STK31: variants seen among roughly 807,000 people sequenced by gnomAD.
STK31 encodes serine/threonine kinase 31.
Under a neutral mutation model 129.7 loss-of-function variants are expected in STK31, and 89 were observed. The ratio of observed to expected loss-of-function variants is 0.69; its 90% CI spans 0.58 to 0.82. The LOEUF (loss-of-function observed/expected upper bound fraction) is 0.82. Among genes scored for constraint, STK31 ranks in the 40% least tolerant of loss-of-function variants. STK31 has a pLI of 0.00. For synonymous variants in STK31, 448 were observed against 395.3 expected (o/e 1.13, Z -1.58); for missense variants, 1,187 against 1,176.4 (o/e 1.01, Z -0.13).
At position 23,805,415 on chromosome 7, in the gene STK31, A is replaced by G. The variant is rs951837115; in HGVS notation, c.2761-9729A>G. ...TAAAAAGTTTTATTTCTATGCGTCAATAACTTTTTTAAAGGCATTACATTT... is the reference window on the plus strand; with the variant it reads ...TAAAAAGTTTTATTTCTATGCGTCAGTAACTTTTTTAAAGGCATTACATTT... On this transcript the variant is annotated intron_variant, in intron 22 of 23. Coordinates refer to ENST00000355870, the MANE Select transcript of STK31 (RefSeq NM_031414.5). 7.2e-5 allele frequency among the ~76,000 whole-genome samples: 11 copies of G among 152,214 alleles called. No homozygotes were observed. In the East Asian group the frequency reaches 2.1e-3, roughly 29 times the overall value.
intron 4 of STK31, among the ~76,000 whole-genome samples, chr7:23,725,058 T>A (rs1284478680): frequency 6.6e-6 from 1 of 152,244 alleles, no homozygotes; most frequent in Non-Finnish European, 1.5e-5. Flanking sequence ...CCTAATGGCC[T>A]AATGGGCCTT....
chr7:23,818,102 A>C lies in STK31; in HGVS notation c.2829+2890A>C, dbSNP rs1221269958. On this transcript the variant is annotated intron_variant, in intron 23 of 23. Coordinates refer to ENST00000355870, the MANE Select transcript of STK31 (RefSeq NM_031414.5). ...ATTTAAATTTCCCTAATTGTCTTAA[A>C]TATATTTTTAAATGGTTGCTTTTTT... is the stretch of plus-strand genomic sequence containing the variant. Among the ~76,000 whole-genome samples, 3 of 152,066 alleles carry C rather than the reference A, an allele frequency of 2.0e-5. No individual in the cohort carries two copies. In the East Asian group the frequency reaches 5.8e-4, roughly 29 times the overall value.
At chr7:23,757,653 C>G (rs923995505) in intron 10 of STK31, among the ~76,000 whole-genome samples, 1 of 152,054 alleles carries the variant, frequency 6.6e-6, no homozygotes, top group Admixed American at 6.5e-5. Flanking sequence ...GGTTTTACAC[C>G]GAGACATTCC....
At position 23,830,239 on chromosome 7, in the gene STK31, T is replaced by A. The variant is rs747986070; in HGVS notation, c.2830-1897T>A. 1.4e-3 allele frequency among the ~76,000 whole-genome samples: 211 copies of A among 152,288 alleles called. 1 individual carries two copies. Among genetic ancestry groups the A allele is most frequent in the Middle Eastern group, 6.8e-3 (2 of 294 alleles). ...CAGTTTATTGATTTTGTTTATCTTT[T>A]AAAAAAATTTTTTTTGTGGATCCTT... is the stretch of plus-strand genomic sequence containing the variant. On this transcript the variant is annotated intron_variant, in intron 23 of 23. Coordinates refer to ENST00000355870, the MANE Select transcript of STK31 (RefSeq NM_031414.5).
chr7:23,746,710 C>T (rs1788374931), intron 8 of STK31, among the ~76,000 whole-genome samples: 1 of 151,906 alleles, frequency 6.6e-6, no homozygotes, highest in African/African-American at 2.4e-5. Flanking sequence ...AGTCTTAATC[C>T]TCATTGTCTT....
chr7:23,812,349 G>C (rs1414379644), intron 22 of STK31, among the ~76,000 whole-genome samples: 1 of 144,842 alleles, frequency 6.9e-6, no homozygotes, highest in East Asian at 2.0e-4. Flanking sequence ...TTATTTCTCT[G>C]TGGTTGCTTT....
At chr7:23,753,839 G>A (rs1457684761) in intron 9 of STK31, among the ~76,000 whole-genome samples, 1 of 152,078 alleles carries the variant, frequency 6.6e-6, no homozygotes, top group East Asian at 1.9e-4. Context: ...TCTTTATTTG[G>A]AAGTGCTGTT....
chr7:23,802,378 T>C (rs1353410687), intron 22 of STK31, among the ~76,000 whole-genome samples: 1 of 152,236 alleles, frequency 6.6e-6, no homozygotes, highest in Non-Finnish European at 1.5e-5. Context: ...AATTGGGGTT[T>C]GTTTATCCAG....
intron 9 of STK31, among the ~76,000 whole-genome samples, chr7:23,753,968 A>T (rs2128093724): frequency 6.6e-6 from 1 of 152,282 alleles, no homozygotes; most frequent in Admixed American, 6.5e-5. Flanking sequence ...GTAGACCAAA[A>T]ATTGAAGGTT....
intron 22 of STK31, among the ~76,000 whole-genome samples, chr7:23,803,424 C>A (rs151181587): frequency 3.9e-5 from 6 of 152,200 alleles, no homozygotes; most frequent in Admixed American, 3.9e-4. Context: ...AGAATACTAA[C>A]TAGATATTTT....
At chr7:23,732,834 G>A (rs1787512062) in intron 6 of STK31, among the ~76,000 whole-genome samples, 1 of 152,154 alleles carries the variant, frequency 6.6e-6, no homozygotes, top group African/African-American at 2.4e-5. Context: ...AGGGGCAGAA[G>A]TTGTTCTTGA....
At chr7:23,720,821 C>T (rs116255008) in intron 4 of STK31, among the ~76,000 whole-genome samples, 1,538 of 152,090 alleles carry the variant, frequency 0.01, 23 homozygotes, top group African/African-American at 0.035. Flanking sequence ...TATATTACCC[C>T]GGAATATATG....
chr7:23,791,212 C>T, intron 22 of STK31: 1 of 945,696 alleles, frequency 1.1e-6, no homozygotes, highest in African/African-American at 1.8e-5. Context: ...CTACATTAAT[C>T]TGAAAGCAGT....
rs1276273785 is a variant in STK31, at chr7:23,710,294, C to G, written c.9C>G (p.Val3=). The change falls in exon 1 of 24, where the codon GTC becomes GTG. Residue 3 remains valine, a synonymous_variant. Transcript: ENST00000355870. MW[V]QGHSSRASAT... The stretch of plus-strand genomic sequence containing the variant: ...AGGGCCGAAAGTCCAGTATGTGGGT[C>G]CAGGGTCACTCTTCTAGAGCTTCCG... 1.9e-6 allele frequency: 3 copies of G among 1,612,192 alleles called. No individual in the cohort carries two copies. Among genetic ancestry groups the G allele is most frequent in the Non-Finnish European group, 2.5e-6 (3 of 1,179,910 alleles).
chr7:23,730,869 TATATATA>T (rs1169440320), intron 6 of STK31, among the ~76,000 whole-genome samples: 1 of 49,006 alleles, frequency 2.0e-5, no homozygotes, highest in South Asian at 9.0e-4. Context: ...TATATATATA[TATATATA>T]TATTTTTTTT....
At chr7:23,786,322 G>A (rs1562601294) in intron 18 of STK31, among the ~76,000 whole-genome samples, 186 bp from the exon 19 acceptor site, 1 of 151,958 alleles carries the variant, frequency 6.6e-6, no homozygotes, top group Non-Finnish European at 1.5e-5. Flanking sequence ...CAGGCTACAG[G>A]TAGAATTGCA....
chr7:23,822,841 G>T (rs1793872640), intron 23 of STK31, among the ~76,000 whole-genome samples: 1 of 152,146 alleles, frequency 6.6e-6, no homozygotes, highest in Non-Finnish European at 1.5e-5. Flanking sequence ...GTGAGAATAT[G>T]TGGTGTTCGG....
In STK31 at chr7:23,781,468, C is replaced by G; in HGVS notation, c.2015C>G (p.Thr672Ser). 6.2e-7 allele frequency: 1 copy of G among 1,611,484 alleles called. No homozygotes were observed. The highest frequency in any genetic ancestry group is 8.5e-7 in the Non-Finnish European group (1 of 1,178,986). Residue 672 changes from threonine (T) to serine (S), a missense_variant, in exon 16 of 24, where the codon ACT becomes AGT. Physicochemically the swap from Thr to Ser is moderately conservative, Grantham distance 58 (BLOSUM62 1). Transcript: ENST00000355870. Reference sequence around the variant, plus strand: ...ATTGAGAAAATAAAAGAAGAAATAACTCAGCTGCGCAATAATGTCTTTCAG... The same window carrying G: ...ATTGAGAAAATAAAAGAAGAAATAAGTCAGCTGCGCAATAATGTCTTTCAG... ...SQIEKIKEEI[T>S]QLRNNVFQEI... is the part of the protein sequence containing the mutation.
chr7:23,723,207 C>G (rs1361376303), intron 4 of STK31, among the ~76,000 whole-genome samples: 1 of 152,172 alleles, frequency 6.6e-6, no homozygotes, highest in Non-Finnish European at 1.5e-5. Context: ...GAACCTCTCT[C>G]TCCTCTTTTC....
Sources: allele counts gnomAD v4.1 joint callset (sites outside exome capture counted in the v4.1 genomes callset), GRCh38; gene constraint gnomAD v4.1.1; transcripts MANE v1.5; gene names NCBI Gene and HGNC (gene_info 2026-07-23, HGNC 2026-07-21).